SHFL: variants seen among roughly 807,000 people sequenced by gnomAD.
SHFL encodes the protein shiftless antiviral inhibitor of ribosomal frameshifting, also known as shiftless antiviral inhibitor of ribosomal frameshifting protein.
A neutral mutation model predicts 34.7 loss-of-function variants in SHFL; 12 were observed. The observed-to-expected ratio is 0.35, with a 90% CI of 0.22 to 0.56. The LOEUF is 0.56. Among genes scored for constraint, SHFL ranks in the 20% least tolerant of loss-of-function variants. SHFL has a pLI of 0.88. For synonymous variants in SHFL, 148 were observed against 156.0 expected, an observed-to-expected ratio of 0.95 and a Z score of 0.38; for missense variants, 278 against 411.1, an observed-to-expected ratio of 0.68 and a Z score of 2.80.
chr19:10,093,000 A>G lies in SHFL; in HGVS notation c.*698A>G, dbSNP rs2088431521. The stretch of plus-strand genomic sequence containing the variant: ...CTTCCCTATCTCCTTACCAAAGTAC[A>G]AGTCACATCTTTCCCACCTTTTCTG... On this transcript the variant is annotated 3_prime_UTR_variant, in exon 8 of 8. Coordinates refer to ENST00000253110, the MANE Select transcript of SHFL (RefSeq NM_018381.4). 2.0e-6 allele frequency: 1 copy of G among 495,378 alleles called. No homozygotes were observed. Among genetic ancestry groups the G allele is most frequent in the Non-Finnish European group, 3.5e-6 (1 of 285,052 alleles). 30.7% of individuals were successfully genotyped at this position (495,378 alleles called of 1,614,324 possible). A position where few individuals can be genotyped will look rare whatever the true frequency, so the allele number is the denominator to read the frequency against.
At position 10,086,897 on chromosome 19, in the gene SHFL, C is replaced by T; in HGVS notation, c.22-32C>T. ...GGGAGGGATGATCCCGTTTCCCCTT[C>T]CCCCACCGGAACCCCCCTGTCTCCA... On this transcript the variant is annotated intron_variant, in intron 1 of 7. Coordinates refer to ENST00000253110, the MANE Select transcript of SHFL (RefSeq NM_018381.4). The surrounding 1 kb of genome is among the most constrained non-coding windows in gnomAD (Gnocchi z 5.2). The T allele has an allele frequency of 6.2e-7, 1 of 1,611,326 alleles. No individual in the cohort carries two copies. Among genetic ancestry groups the T allele is most frequent in the Non-Finnish European group, 8.5e-7 (1 of 1,178,526 alleles).
At chr19:10,089,518 CAATA>C in intron 3 of SHFL, 135 bp from the exon 4 acceptor site, 3 of 1,368,352 alleles carry the variant, frequency 2.2e-6, no homozygotes, top group Non-Finnish European at 3.1e-6. Flanking sequence ...ACCTGGCTCT[CAATA>C]AGTGAGTGGT....
In SHFL at chr19:10,091,375, T is replaced by C. The variant is rs2145158763; in HGVS notation, c.488+22T>C. The C allele has an allele frequency of 6.2e-7, 1 of 1,603,354 alleles. No homozygotes were observed. The highest frequency in any genetic ancestry group is 1.1e-5 in the South Asian group (1 of 90,510). On this transcript the variant is annotated intron_variant, in intron 6 of 7. Coordinates refer to ENST00000253110, the MANE Select transcript of SHFL (RefSeq NM_018381.4). The surrounding 1 kb of genome is among the most constrained non-coding windows in gnomAD (Gnocchi z 8.2). Reference sequence around the variant, plus strand: ...TCCGGTGAGGGCGCTGACCCCCAGCTCCCCCTCAGCCCTGCCCTACCCCAG... The same window carrying C: ...TCCGGTGAGGGCGCTGACCCCCAGCCCCCCCTCAGCCCTGCCCTACCCCAG...
rs771005223 is a variant in SHFL, at chr19:10,092,652, C to T, written c.*350C>T. 1.9e-6 allele frequency: 3 copies of T among 1,613,816 alleles called. No homozygotes were observed. Among genetic ancestry groups the T allele is most frequent in the South Asian group, 2.2e-5 (2 of 91,042 alleles). On this transcript the variant is annotated 3_prime_UTR_variant, in exon 8 of 8. Transcript: ENST00000253110. ...TGAGAGAATATGCCCCACCACGAAA[C>T]TCAGCCCAGTAGACACCATCCTGGT...
chr19:10,086,775 C>A lies in SHFL; in HGVS notation c.22-154C>A. 9.8e-7 allele frequency: 1 copy of A among 1,020,508 alleles called. No individual in the cohort carries two copies. The highest frequency in any genetic ancestry group is 1.4e-6 in the Non-Finnish European group (1 of 708,266). 63.2% of individuals were successfully genotyped at this position (1,020,508 alleles called of 1,614,324 possible). On this transcript the variant is annotated intron_variant, in intron 1 of 7. Transcript: ENST00000253110. The surrounding 1 kb of genome is among the most constrained non-coding windows in gnomAD (Gnocchi z 5.2). Reference sequence around the variant, plus strand: ...CGCCCTGTGGGGACTTTGGCTTTTTCCAGGAAATGCCGTAAAGGGATGAAA... The same window carrying A: ...CGCCCTGTGGGGACTTTGGCTTTTTACAGGAAATGCCGTAAAGGGATGAAA...
Position 10,092,729 on chromosome 19 carries a change from G to C in SHFL, c.*427G>C. 6.2e-7 allele frequency: 1 copy of C among 1,613,252 alleles called. No homozygotes were observed. The highest frequency in any genetic ancestry group is 1.1e-5 in the South Asian group (1 of 91,030). ...TGCCACACACCGTTGAGGTTGGAGTGGGCACAGGCATGGTACCACCAGCCT... is the reference window on the plus strand; with the variant it reads ...TGCCACACACCGTTGAGGTTGGAGTCGGCACAGGCATGGTACCACCAGCCT... On this transcript the variant is annotated 3_prime_UTR_variant, in exon 8 of 8. Transcript: ENST00000253110.
In SHFL at chr19:10,091,453, C is replaced by A; in HGVS notation, c.489-23C>A. ...CCTGGCCCAGCCTCGCCCTCGGACC[C>A]TCACAGCCCTGCCCGCCCCCAGGGG... On this transcript the variant is annotated intron_variant, in intron 6 of 7. Coordinates refer to ENST00000253110, the MANE Select transcript of SHFL (RefSeq NM_018381.4). This position sits in a 1 kb window ranked among gnomAD's most constrained non-coding sequence, Gnocchi z 8.2. 1 of 1,541,762 alleles carries A rather than the reference C, an allele frequency of 6.5e-7. No homozygotes were observed. Among genetic ancestry groups the A allele is most frequent in the Non-Finnish European group, 8.8e-7 (1 of 1,140,066 alleles).
chr19:10,089,726 G>A (rs2232064), intron 4 of SHFL, 31 bp downstream of exon 4: 1 of 1,586,928 alleles, frequency 6.3e-7, no homozygotes, highest in Non-Finnish European at 8.6e-7. Context: ...TGGGATGGGG[G>A]AGTTGGGAGG....
chr19:10,086,760 G>A lies in SHFL; in HGVS notation c.22-169G>A. The stretch of plus-strand genomic sequence containing the variant: ...CGCGCCTTCCCCCAACGCCCTGTGG[G>A]GACTTTGGCTTTTTCCAGGAAATGC... On this transcript the variant is annotated intron_variant, in intron 1 of 7. Transcript: ENST00000253110. The surrounding 1 kb of genome is among the most constrained non-coding windows in gnomAD (Gnocchi z 5.2). 1 of 860,456 alleles carries A rather than the reference G, an allele frequency of 1.2e-6. No individual in the cohort carries two copies. Among genetic ancestry groups the A allele is most frequent in the Non-Finnish European group, 1.8e-6 (1 of 564,776 alleles). The allele number at this position is 860,456 out of a possible 1,614,324, so 53.3% of individuals were successfully genotyped here.
At position 10,086,722 on chromosome 19, in the gene SHFL, G is replaced by A; in HGVS notation, c.22-207G>A. 1 of 650,066 alleles carries A rather than the reference G, an allele frequency of 1.5e-6. No homozygotes were observed. Among genetic ancestry groups the A allele is most frequent in the Non-Finnish European group, 2.6e-6 (1 of 384,512 alleles). 40.3% of individuals were successfully genotyped at this position (650,066 alleles called of 1,614,324 possible). ...GCCCCCCCACACCTTAGGCTGGGACGCTCGCCCCAGTCCGCGCCTTCCCCC... is the reference window on the plus strand; with the variant it reads ...GCCCCCCCACACCTTAGGCTGGGACACTCGCCCCAGTCCGCGCCTTCCCCC... On this transcript the variant is annotated intron_variant, in intron 1 of 7. Transcript: ENST00000253110. The surrounding 1 kb of genome is among the most constrained non-coding windows in gnomAD (Gnocchi z 5.2).
intron 3 of SHFL, 161 bp downstream of exon 3, chr19:10,087,461 C>A (rs999086928): frequency 8.3e-6 from 6 of 718,794 alleles, no homozygotes; most frequent in South Asian, 5.2e-5. Context: ...ACCTCTCCAT[C>A]ATTTGTCCGG....
chr19:10,089,876 C>T, intron 4 of SHFL, 22 bp from the exon 5 acceptor site: 1 of 1,608,030 alleles, frequency 6.2e-7, no homozygotes, highest in Non-Finnish European at 8.5e-7. Flanking sequence ...CCCACCTCAT[C>T]CCCACCTGCC....
In SHFL at chr19:10,091,380, C is replaced by G. The variant is rs766062320; in HGVS notation, c.488+27C>G. On this transcript the variant is annotated intron_variant, in intron 6 of 7. Coordinates refer to ENST00000253110, the MANE Select transcript of SHFL (RefSeq NM_018381.4). The surrounding 1 kb of genome is among the most constrained non-coding windows in gnomAD (Gnocchi z 8.2). Reference sequence around the variant, plus strand: ...TGAGGGCGCTGACCCCCAGCTCCCCCTCAGCCCTGCCCTACCCCAGCCCTG... The same window carrying G: ...TGAGGGCGCTGACCCCCAGCTCCCCGTCAGCCCTGCCCTACCCCAGCCCTG... 5 of 1,605,840 alleles carry G rather than the reference C, an allele frequency of 3.1e-6. No homozygotes were observed. The highest frequency in any genetic ancestry group is 3.4e-5 in the Admixed American group (2 of 59,600).
chr19:10,092,294 A>G lies in SHFL; in HGVS notation c.868A>G (p.Arg290Gly). 1 of 1,576,150 alleles carries G rather than the reference A, an allele frequency of 6.3e-7. No homozygotes were observed. The highest frequency in any genetic ancestry group is 1.9e-5 in the Admixed American group (1 of 52,512). The change falls in exon 8 of 8, where the codon AGG becomes GGG. Residue 290 changes from arginine to glycine, a missense_variant. Arg to Gly is a moderately radical substitution (Grantham distance 125). Coordinates refer to ENST00000253110, the MANE Select transcript of SHFL (RefSeq NM_018381.4). ...EEVEDEEGGPRE is the reference protein window; with the variant it reads ...EEVEDEEGGPGE ...GGTGGAGGACGAGGAGGGCGGGCCC[A>G]GGGAGTGACCCCTGCCAGGTGCAGA...
In SHFL at chr19:10,091,142, T is replaced by C. The variant is rs2088378080; in HGVS notation, c.385-108T>C. On this transcript the variant is annotated intron_variant, in intron 5 of 7. Coordinates refer to ENST00000253110, the MANE Select transcript of SHFL (RefSeq NM_018381.4). The surrounding 1 kb of genome is among the most constrained non-coding windows in gnomAD (Gnocchi z 8.2). ...GAAGTCACTGATTGAGTTGGGTTGC[T>C]CAAGCTGAGGCCAGCCGCTGCAGCA... 3 of 900,870 alleles carry C rather than the reference T, an allele frequency of 3.3e-6. No homozygotes were observed. The highest frequency in any genetic ancestry group is 5.2e-6 in the Non-Finnish European group (3 of 575,104). The allele number at this position is 900,870 out of a possible 1,614,324, so 55.8% of individuals were successfully genotyped here. A position where few individuals can be genotyped will look rare whatever the true frequency, so the allele number is the denominator to read the frequency against.
At position 10,093,114 on chromosome 19, in the gene SHFL, C is replaced by T. The variant is rs1034265961; in HGVS notation, c.*812C>T. On this transcript the variant is annotated 3_prime_UTR_variant, in exon 8 of 8. Transcript: ENST00000253110. ...AGAGTACTAGCTCTCACCCTCTGCC[C>T]TTTACTTGAACAGGAGTCTTGATTC... 13 of 570,090 alleles carry T rather than the reference C, an allele frequency of 2.3e-5. No homozygotes were observed. In the African/African-American group the frequency reaches 2.4e-4, roughly 11 times the overall value. 35.3% of individuals were successfully genotyped at this position (570,090 alleles called of 1,614,324 possible).
Position 10,091,333 on chromosome 19 carries a change from G to C in SHFL, c.468G>C (p.Pro156=). Residue 156 remains proline, a synonymous_variant, in exon 6 of 8, where the codon CCG becomes CCC. Transcript: ENST00000253110. The surrounding 1 kb of genome is among the most constrained non-coding windows in gnomAD (Gnocchi z 8.2). ...KMWGLAEFHC[P]KCRHNFRGWA... ...GGGGCCTGGCTGAGTTCCACTGCCC[G>C]AAGTGTCGGCACAACTTCCGGTGAG... The C allele has an allele frequency of 1.2e-6, 2 of 1,613,686 alleles. No individual in the cohort carries two copies. Among genetic ancestry groups the C allele is most frequent in the Non-Finnish European group, 1.7e-6 (2 of 1,179,762 alleles).
rs570868900 is a variant in SHFL at position 10,091,624 on chromosome 19, C to T, written c.637C>T (p.Arg213Trp). The T allele has an allele frequency of 2.6e-6, 4 of 1,549,274 alleles. No homozygotes were observed. The highest frequency in any genetic ancestry group is 2.0e-5 in the Admixed American group (1 of 50,794). The change falls in exon 7 of 8, where the codon CGG becomes TGG. Residue 213 changes from arginine (R) to tryptophan (W), a missense_variant. Physicochemically the swap from Arg to Trp is moderately radical, Grantham distance 101. Coordinates refer to ENST00000253110, the MANE Select transcript of SHFL (RefSeq NM_018381.4). This position sits in a 1 kb window ranked among gnomAD's most constrained non-coding sequence, Gnocchi z 8.2. ...CTGCTCAGCTGCCGACTGCTACAAC[C>T]GGCGAGGTGAGGCTCTTCTCCCCCA... ...HSCSAADCYN[R>W]REPHVPGTSC...
rs2088292055 is a variant in SHFL at position 10,086,774 on chromosome 19, T to C, written c.22-155T>C. 2 of 992,022 alleles carry C rather than the reference T, an allele frequency of 2.0e-6. No individual in the cohort carries two copies. The highest frequency in any genetic ancestry group is 3.4e-5 in the South Asian group (2 of 58,690). The allele number at this position is 992,022 out of a possible 1,614,324, so 61.5% of individuals were successfully genotyped here. A position where few individuals can be genotyped will look rare whatever the true frequency, so the allele number is the denominator to read the frequency against. On this transcript the variant is annotated intron_variant, in intron 1 of 7. Transcript: ENST00000253110. This position sits in a 1 kb window ranked among gnomAD's most constrained non-coding sequence, Gnocchi z 5.2. ...ACGCCCTGTGGGGACTTTGGCTTTTTCCAGGAAATGCCGTAAAGGGATGAA... is the reference window on the plus strand; with the variant it reads ...ACGCCCTGTGGGGACTTTGGCTTTTCCCAGGAAATGCCGTAAAGGGATGAA...
Sources: allele counts gnomAD v4.1 joint callset, GRCh38; gene constraint gnomAD v4.1.1; non-coding constraint Gnocchi (gnomAD v3.1); transcripts MANE v1.5; gene names NCBI Gene and HGNC (gene_info 2026-07-23, HGNC 2026-07-21).